RBMS2: variants seen among roughly 807,000 people sequenced by gnomAD.
The protein encoded by RBMS2 is RNA binding motif single stranded interacting protein 2.
In RBMS2, 38 loss-of-function variants were observed where a neutral mutation model predicts 58.4. That is an observed-to-expected ratio of 0.65 (90% CI 0.50 to 0.85). The LOEUF is 0.85. Among genes scored for constraint, RBMS2 ranks in the 40% least tolerant of loss-of-function variants. The pLI, the probability that RBMS2 is intolerant of heterozygous loss-of-function variation, is 0.00. For missense variants in RBMS2, 367 were observed against 503.7 expected, an observed-to-expected ratio of 0.73 and a Z score of 2.60; for synonymous variants, 151 against 180.7, an observed-to-expected ratio of 0.84 and a Z score of 1.32.
chr12:56,522,049 C>G lies in RBMS2; in HGVS notation c.26C>G (p.Pro9Arg), dbSNP rs1354186973. Reference protein sequence around the residue: MLLSVTSRPGISTFGYNRN... With the variant: MLLSVTSRRGISTFGYNRN... ...ATGCTGCTATCCGTGACTTCCAGGC[C>G]CGGGATTTCGACTTTTGGCTACAAT... The change falls in exon 1 of 14, where the codon CCC becomes CGC. Residue 9 changes from proline (P) to arginine (R), a missense_variant. Pro to Arg is a moderately radical substitution (Grantham distance 103, BLOSUM62 -2). Coordinates refer to ENST00000262031, the MANE Select transcript of RBMS2 (RefSeq NM_002898.4). The G allele has an allele frequency of 6.3e-7, 1 of 1,598,834 alleles. No individual in the cohort carries two copies. Among genetic ancestry groups the G allele is most frequent in the Non-Finnish European group, 8.6e-7 (1 of 1,168,104 alleles).
intron 5 of RBMS2, chr12:56,572,908 C>T: frequency 6.1e-6 from 6 of 985,264 alleles, no homozygotes; most frequent in Non-Finnish European, 7.2e-6. Flanking sequence ...CCACAGTATT[C>T]CCTATACCTG....
At position 56,588,381 on chromosome 12, in the gene RBMS2, G is replaced by T; in HGVS notation, c.1143+7G>T. On this transcript the variant is annotated splice_region_variant and intron_variant, in intron 12 of 13. Coordinates refer to ENST00000262031, the MANE Select transcript of RBMS2 (RefSeq NM_002898.4). Reference sequence around the variant, plus strand: ...TTCCAGTGTTTCAGTCGAGGTAAGGGTGTTATCATTTCTTTGGATTGAGAT... The same window carrying T: ...TTCCAGTGTTTCAGTCGAGGTAAGGTTGTTATCATTTCTTTGGATTGAGAT... 1 of 1,606,266 alleles carries T rather than the reference G, an allele frequency of 6.2e-7. No individual in the cohort carries two copies. Among genetic ancestry groups the T allele is most frequent in the South Asian group, 1.1e-5 (1 of 90,870 alleles).
chr12:56,582,535 T>C (rs1884105974), intron 9 of RBMS2, among the ~76,000 whole-genome samples: 1 of 152,198 alleles, frequency 6.6e-6, no homozygotes, highest in African/African-American at 2.4e-5. Context: ...CACCAGTGAT[T>C]CTCAAAGTGT....
chr12:56,555,187 T>G (rs1276713499), intron 1 of RBMS2, among the ~76,000 whole-genome samples: 1 of 152,074 alleles, frequency 6.6e-6, no homozygotes, highest in Non-Finnish European at 1.5e-5. Context: ...AAGTTACTTT[T>G]GTTTAAATTA....
chr12:56,527,339 C>T (rs1872839901), intron 1 of RBMS2, among the ~76,000 whole-genome samples: 1 of 152,190 alleles, frequency 6.6e-6, no homozygotes, highest in Non-Finnish European at 1.5e-5. Context: ...AGGCCGGGCG[C>T]AGTGGCTCAC....
In RBMS2 at chr12:56,588,794, G is replaced by A. The variant is rs1885032884; in HGVS notation, c.1144-138G>A. ...AGGTTGGGGAAGTGGTGGTGTGGGTGGAAACACTCACACATGAGTGTGGAG... is the reference window on the plus strand; with the variant it reads ...AGGTTGGGGAAGTGGTGGTGTGGGTAGAAACACTCACACATGAGTGTGGAG... On this transcript the variant is annotated intron_variant, in intron 12 of 13. Coordinates refer to ENST00000262031, the MANE Select transcript of RBMS2 (RefSeq NM_002898.4). 7.8e-6 allele frequency: 6 copies of A among 767,548 alleles called. No individual in the cohort carries two copies. In the East Asian group the frequency reaches 1.5e-4, roughly 19 times the overall value. The allele number at this position is 767,548 out of a possible 1,614,324, so 47.5% of individuals were successfully genotyped here. A position where few individuals can be genotyped will look rare whatever the true frequency, so the allele number is the denominator to read the frequency against.
At chr12:56,588,717 G>T in intron 12 of RBMS2, 1 of 603,604 alleles carries the variant, frequency 1.7e-6, no homozygotes. Context: ...TTGACACCAG[G>T]ATGCTGGCTT....
At chr12:56,554,909 A>G (rs1037857466) in intron 1 of RBMS2, among the ~76,000 whole-genome samples, 1 of 152,088 alleles carries the variant, frequency 6.6e-6, no homozygotes, top group African/African-American at 2.4e-5. Context: ...TTATGTATGC[A>G]CTATAATTTA....
At chr12:56,553,397 C>T (rs568539141) in intron 1 of RBMS2, among the ~76,000 whole-genome samples, 1 of 152,050 alleles carries the variant, frequency 6.6e-6, no homozygotes, top group South Asian at 2.1e-4. Context: ...GGTGTGATCT[C>T]TACTCACTAC....
At chr12:56,558,084 G>A (rs113392261) in intron 1 of RBMS2, among the ~76,000 whole-genome samples, 1 of 104,848 alleles carries the variant, frequency 9.5e-6, no homozygotes, top group African/African-American at 3.7e-5. Context: ...TTGCTCTGTC[G>A]CCCAGGCTGG....
chr12:56,537,006 C>T (rs1354888553), intron 1 of RBMS2, among the ~76,000 whole-genome samples: 3 of 151,582 alleles, frequency 2.0e-5, no homozygotes, highest in African/African-American at 4.9e-5. Context: ...CTGCAACCTC[C>T]GCCTCCCAGG....
intron 5 of RBMS2, among the ~76,000 whole-genome samples, chr12:56,573,799 A>G (rs1213967310): frequency 6.7e-6 from 1 of 150,070 alleles, no homozygotes; most frequent in African/African-American, 2.5e-5. Context: ...CGCGTACCAC[A>G]GGTGCGTACC....
At chr12:56,527,151 T>TATAAA (rs1872796567) in intron 1 of RBMS2, among the ~76,000 whole-genome samples, 1 of 152,212 alleles carries the variant, frequency 6.6e-6, no homozygotes, top group African/African-American at 2.4e-5. Context: ...ATTCACTTAG[T>TATAAA]ACTTCTAACA....
In RBMS2 at chr12:56,596,085, G is replaced by A. The variant is rs1328851202; in HGVS notation, c.*6952G>A. The stretch of plus-strand genomic sequence containing the variant: ...AAATGAGATTGGTCCTAAAAATATA[G>A]AAAGAAATAAATTTAAATTCACAAA... On this transcript the variant is annotated 3_prime_UTR_variant, in exon 14 of 14. Coordinates refer to ENST00000262031, the MANE Select transcript of RBMS2 (RefSeq NM_002898.4). 5 of 152,566 alleles carry A rather than the reference G, an allele frequency of 3.3e-5. No individual in the cohort carries two copies. The highest frequency in any genetic ancestry group is 1.2e-4 in the African/African-American group (5 of 41,426). The allele number at this position is 152,566 out of a possible 1,614,324, so 9.5% of individuals were successfully genotyped here. A position where few individuals can be genotyped will look rare whatever the true frequency, so the allele number is the denominator to read the frequency against.
intron 1 of RBMS2, among the ~76,000 whole-genome samples, chr12:56,525,639 T>C (rs1164994048): frequency 6.6e-6 from 1 of 151,700 alleles, no homozygotes; most frequent in East Asian, 2.0e-4. Flanking sequence ...GCCTCCCACC[T>C]CAGCCAACTT....
At chr12:56,563,743 G>A (rs1343147076) in intron 2 of RBMS2, among the ~76,000 whole-genome samples, 1 of 152,000 alleles carries the variant, frequency 6.6e-6, no homozygotes, top group African/African-American at 2.4e-5. Context: ...TTCAAAACCA[G>A]GCTGGGCAAC....
At chr12:56,576,492 C>T (rs1883149305) in intron 5 of RBMS2, among the ~76,000 whole-genome samples, 2 of 152,114 alleles carry the variant, frequency 1.3e-5, no homozygotes, top group Non-Finnish European at 2.9e-5. Context: ...TTGGTACTAT[C>T]CATGGTTTCA....
intron 5 of RBMS2, among the ~76,000 whole-genome samples, chr12:56,574,987 A>T (rs1429479634): frequency 6.6e-6 from 1 of 151,890 alleles, no homozygotes; most frequent in African/African-American, 2.4e-5. Context: ...TCTCTACTAA[A>T]AATACAAAAA....
intron 5 of RBMS2, among the ~76,000 whole-genome samples, chr12:56,578,912 C>A (rs61939872): frequency 6.6e-6 from 1 of 151,916 alleles, no homozygotes; most frequent in Non-Finnish European, 1.5e-5. Flanking sequence ...TGCAGTGAGC[C>A]GAGATTGCAC....
Sources: gnomAD v4.1 joint callset for allele counts (sites outside exome capture counted in the v4.1 genomes callset) on GRCh38, gnomAD v4.1.1 for gene constraint, MANE v1.5 for transcripts, NCBI Gene and HGNC (gene_info 2026-07-23, HGNC 2026-07-21) for gene names.